The following CCT5 variants were observed in gnomAD, a reference collection of about 807,000 sequenced individuals.
CCT5 encodes chaperonin containing TCP1 subunit 5.
In CCT5, 6 loss-of-function variants were observed where a neutral mutation model predicts 55.0. That is an observed-to-expected ratio of 0.11 (90% CI 0.06 to 0.22). CCT5 has a LOEUF of 0.22. Among genes scored for constraint, CCT5 ranks in the 10% least tolerant of loss-of-function variants. The probability of loss-of-function intolerance (pLI) is 1.00; values close to 1 mark genes in which losing one functional copy is unlikely to be tolerated. For missense variants in CCT5, 560 were observed against 694.6 expected (o/e 0.81, Z 2.18); for synonymous variants, 231 against 243.7 (o/e 0.95, Z 0.49).
intron 1 of CCT5, among the ~76,000 whole-genome samples, chr5:10,253,633 A>G (rs1745537829): frequency 6.6e-6 from 1 of 152,198 alleles, no homozygotes; most frequent in Non-Finnish European, 1.5e-5. Context: ...TCATGAGTAC[A>G]GGCCCCTCCT....
At chr5:10,261,897 G>C in intron 8 of CCT5, 152 bp downstream of exon 8, 1 of 737,756 alleles carries the variant, frequency 1.4e-6, no homozygotes, top group Non-Finnish European at 2.4e-6. Flanking sequence ...AATTACTGAA[G>C]ACCATGTTAA....
At position 10,262,692 on chromosome 5, in the gene CCT5, C is replaced by T. The variant is rs1579457636; in HGVS notation, c.1317+74C>T. ...TGGAGACTGTGAAGCTGCGGAACAG[C>T]GAGGTGCTGGATGCAAAACAAGCAT... On this transcript the variant is annotated intron_variant, in intron 9 of 10. Transcript: ENST00000280326. 3.9e-6 allele frequency: 6 copies of T among 1,531,654 alleles called. No individual in the cohort carries two copies. The East Asian group carries it at 6.8e-5, about 17-fold the overall frequency. The allele number at this position is 1,531,654 out of a possible 1,614,324, so 94.9% of individuals were successfully genotyped here.
Position 10,265,231 on chromosome 5 carries a change from G to T in CCT5, c.*448G>T. On this transcript the variant is annotated 3_prime_UTR_variant, in exon 11 of 11. Transcript: ENST00000280326. ...ATGGGTGGGCCATTTGATTGTAGAG[G>T]GTCCACCACAGAATTATGGGATGCC... 1 of 188,722 alleles carries T rather than the reference G, an allele frequency of 5.3e-6. No homozygotes were observed. The allele number at this position is 188,722 out of a possible 1,614,324, so 11.7% of individuals were successfully genotyped here. A position where few individuals can be genotyped will look rare whatever the true frequency, so the allele number is the denominator to read the frequency against.
intron 1 of CCT5, among the ~76,000 whole-genome samples, chr5:10,253,635 G>T: frequency 6.6e-6 from 1 of 152,306 alleles, no homozygotes; most frequent in Non-Finnish European, 1.5e-5. Flanking sequence ...ATGAGTACAG[G>T]CCCCTCCTTG....
At chr5:10,261,906 A>C in intron 8 of CCT5, 161 bp downstream of exon 8, 2 of 718,628 alleles carry the variant, frequency 2.8e-6, no homozygotes. Flanking sequence ...AGACCATGTT[A>C]AATTGTTAAT....
intron 1 of CCT5, among the ~76,000 whole-genome samples, chr5:10,252,789 A>G (rs578027245): frequency 6.6e-6 from 1 of 152,330 alleles, no homozygotes; most frequent in East Asian, 1.9e-4. Flanking sequence ...GGAAACACAC[A>G]GAACTAGCAG....
chr5:10,254,016 C>A, intron 1 of CCT5, 129 bp from the exon 2 acceptor site: 1 of 703,044 alleles, frequency 1.4e-6, no homozygotes. Context: ...CTGTCTGTTG[C>A]CCCTTAAATG....
intron 10 of CCT5, among the ~76,000 whole-genome samples, chr5:10,263,872 G>T (rs987066125): frequency 6.6e-6 from 1 of 152,172 alleles, no homozygotes; most frequent in African/African-American, 2.4e-5. Context: ...AAAGGTATAG[G>T]TACATTCTGC....
In CCT5 at chr5:10,258,319, T is replaced by G. The variant is rs1249900478; in HGVS notation, c.723+16T>G. ...GATGCCAAAAGTGAGCCATTGCATC[T>G]CACAGCTTCGCACTGTTGGTTAACT... On this transcript the variant is annotated intron_variant, in intron 5 of 10. Coordinates refer to ENST00000280326, the MANE Select transcript of CCT5 (RefSeq NM_012073.5). 1.2e-6 allele frequency: 2 copies of G among 1,613,962 alleles called. No individual in the cohort carries two copies. The highest frequency in any genetic ancestry group is 2.2e-5 in the South Asian group (2 of 91,092).
chr5:10,264,746 T>C lies in CCT5; in HGVS notation c.1589T>C (p.Ile530Thr). The C allele has an allele frequency of 1.9e-6, 3 of 1,613,104 alleles. No homozygotes were observed. Among genetic ancestry groups the C allele is most frequent in the South Asian group, 1.1e-5 (1 of 91,046 alleles). The change falls in exon 11 of 11, where the codon ATT (isoleucine) becomes ACT (threonine). Residue 530 changes from isoleucine (I) to threonine (T), a missense_variant. This residue lies in a region of CCT5 where 115 missense variants were observed against 105.0 expected (regional missense o/e 1.10). Coordinates refer to ENST00000280326, the MANE Select transcript of CCT5 (RefSeq NM_012073.5). The part of the protein sequence containing the change: ...ATQMVRMILK[I>T]DDIRKPGESE... Reference sequence around the variant, plus strand: ...CAAATGGTTAGAATGATTTTGAAGATTGATGACATTCGTAAGCCTGGAGAA... The same window carrying C: ...CAAATGGTTAGAATGATTTTGAAGACTGATGACATTCGTAAGCCTGGAGAA...
At chr5:10,255,301 A>G (rs375840167) in intron 3 of CCT5, among the ~76,000 whole-genome samples, 1 of 150,856 alleles carries the variant, frequency 6.6e-6, no homozygotes, top group Admixed American at 6.7e-5. Context: ...CAGTATGTAC[A>G]TGTAGAGAAA....
Position 10,262,578 on chromosome 5 carries a change from A to C in CCT5, c.1277A>C (p.Glu426Ala). 6.2e-7 allele frequency: 1 copy of C among 1,614,248 alleles called. No individual in the cohort carries two copies. Among genetic ancestry groups the C allele is most frequent in the Non-Finnish European group, 8.5e-7 (1 of 1,180,042 alleles). Reference sequence around the variant, plus strand: ...GTGGTGTATGGAGGAGGGGCTGCTGAGATATCCTGTGCCCTGGCAGTTAGC... The same window carrying C: ...GTGGTGTATGGAGGAGGGGCTGCTGCGATATCCTGTGCCCTGGCAGTTAGC... ...NRVVYGGGAA[E>A]ISCALAVSQE... is the part of the protein sequence containing the mutation. The change falls in exon 9 of 11, where the codon GAG becomes GCG. Residue 426 changes from glutamate (E) to alanine (A), a missense_variant. By Grantham distance (107) the Glu-to-Ala change is moderately radical. Transcript: ENST00000280326.
intron 1 of CCT5, among the ~76,000 whole-genome samples, chr5:10,251,178 A>G (rs757516149): frequency 6.6e-6 from 1 of 152,194 alleles, no homozygotes; most frequent in Non-Finnish European, 1.5e-5. Context: ...TTAATGGAGC[A>G]CTGACTTCTT....
intron 4 of CCT5, 104 bp downstream of exon 4, chr5:10,256,257 T>A: frequency 3.2e-6 from 3 of 946,304 alleles, no homozygotes; most frequent in Admixed American, 4.0e-5. Flanking sequence ...TTGTATCGAT[T>A]TGATTATTTG....
At position 10,265,128 on chromosome 5, in the gene CCT5, T is replaced by C. The variant is rs886059757; in HGVS notation, c.*345T>C. On this transcript the variant is annotated 3_prime_UTR_variant, in exon 11 of 11. Coordinates refer to ENST00000280326, the MANE Select transcript of CCT5 (RefSeq NM_012073.5). ...TCTCAAAATAAGCTGTAGGGACTATTTTAACAGCTTAAACAGGAGCTCTCA... is the reference window on the plus strand; with the variant it reads ...TCTCAAAATAAGCTGTAGGGACTATCTTAACAGCTTAAACAGGAGCTCTCA... The C allele has an allele frequency of 7.4e-6, 2 of 271,404 alleles. No homozygotes were observed. The highest frequency in any genetic ancestry group is 2.3e-5 in the African/African-American group (1 of 44,168). 16.8% of individuals were successfully genotyped at this position (271,404 alleles called of 1,614,324 possible). A position where few individuals can be genotyped will look rare whatever the true frequency, so the allele number is the denominator to read the frequency against.
intron 2 of CCT5, 86 bp downstream of exon 2, chr5:10,254,291 A>G: frequency 2.1e-6 from 2 of 974,776 alleles, no homozygotes; most frequent in East Asian, 2.5e-5. Flanking sequence ...AAGGTGGAGT[A>G]TTGAGGGGAG....
intron 2 of CCT5, 132 bp downstream of exon 2, chr5:10,254,337 G>A: frequency 1.4e-6 from 1 of 692,948 alleles, no homozygotes. Flanking sequence ...AAATTTTTTA[G>A]TGTATTTCAG....
At chr5:10,250,245 G>A, upstream of CCT5, 2 of 1,589,722 alleles carry the variant, frequency 1.3e-6, no homozygotes, top group Non-Finnish European at 1.7e-6. Context: ...TGCTGCGCGT[G>A]CGCAAGCTTT....
At chr5:10,262,906 C>G (rs566396157) in intron 9 of CCT5, among the ~76,000 whole-genome samples, 2 of 152,264 alleles carry the variant, frequency 1.3e-5, no homozygotes, top group East Asian at 3.9e-4. Context: ...AAAATAAAGC[C>G]ATAAGAGCTG....
Sources: allele counts gnomAD v4.1 joint callset (sites outside exome capture counted in the v4.1 genomes callset), GRCh38; gene constraint gnomAD v4.1.1; regional missense constraint gnomAD v4.1.1; transcripts MANE v1.5; gene names NCBI Gene and HGNC (gene_info 2026-07-23, HGNC 2026-07-21).